The following PAPPA2 variants were observed in gnomAD, a reference collection of about 807,000 sequenced individuals.
PAPPA2 encodes the protein pappalysin 2.
In PAPPA2, 86 loss-of-function variants were observed where a neutral mutation model predicts 176.4. The observed-to-expected ratio is 0.49, with a 90% confidence interval of 0.41 to 0.58. The LOEUF is 0.58. Among genes scored for constraint, PAPPA2 ranks in the 20% least tolerant of loss-of-function variants. The pLI is 0.00. For synonymous variants in PAPPA2, 809 were observed against 852.2 expected (o/e 0.95, Z 0.88); for missense variants, 2,073 against 2,256.9 (o/e 0.92, Z 1.65).
rs561043572 is a variant in PAPPA2 at position 176,495,316 on chromosome 1, G to T, written c.-917+31898G>T. ...AGCACTTTGGGAGGCCGAGGCAGGC[G>T]AATCACCTAAGGTCAGGAGTTCGAG... On this transcript the variant is annotated intron_variant, in intron 1 of 22. Coordinates refer to ENST00000367662, the MANE Select transcript of PAPPA2 (RefSeq NM_020318.3). Among the ~76,000 whole-genome samples, 444 of 152,146 alleles carry T rather than the reference G, an allele frequency of 2.9e-3. 3 individuals are homozygous for T. Among genetic ancestry groups the T allele is most frequent in the Non-Finnish European group, 5.0e-3 (337 of 67,980 alleles).
chr1:176,807,338 C>G (rs1407954508), intron 21 of PAPPA2, among the ~76,000 whole-genome samples: 1 of 151,934 alleles, frequency 6.6e-6, no homozygotes, highest in African/African-American at 2.4e-5. Context: ...TTTAATAAGA[C>G]CAGTAAGACC....
At chr1:176,690,631 T>A (rs901413719) in intron 5 of PAPPA2, 179 of 1,378,674 alleles carry the variant, frequency 1.3e-4, no homozygotes, top group Non-Finnish European at 1.6e-4. Flanking sequence ...TTAAGGTACT[T>A]TGTTCACTGA....
chr1:176,658,794 A>G (rs1185952409), intron 3 of PAPPA2, among the ~76,000 whole-genome samples: 1 of 151,972 alleles, frequency 6.6e-6, no homozygotes, highest in Non-Finnish European at 1.5e-5. Flanking sequence ...TCTTCATTAC[A>G]TAGGTCATGG....
At chr1:176,485,496 G>A (rs1356035928) in intron 1 of PAPPA2, among the ~76,000 whole-genome samples, 1 of 152,014 alleles carries the variant, frequency 6.6e-6, no homozygotes, top group East Asian at 1.9e-4. Context: ...CACCTACTCA[G>A]GGAAGCATTT....
intron 21 of PAPPA2, among the ~76,000 whole-genome samples, chr1:176,821,285 G>A: frequency 6.6e-6 from 1 of 152,108 alleles, no homozygotes; most frequent in East Asian, 1.9e-4. Flanking sequence ...ATGAATAAGG[G>A]CATATGGGAG....
At chr1:176,723,078 A>C (rs929274918) in intron 12 of PAPPA2, among the ~76,000 whole-genome samples, 6 of 152,170 alleles carry the variant, frequency 3.9e-5, no homozygotes, top group African/African-American at 1.4e-4. Flanking sequence ...TGCTGCATCA[A>C]AACATGGTAC....
chr1:176,549,256 T>C (rs1650808702), intron 1 of PAPPA2, among the ~76,000 whole-genome samples: 1 of 152,248 alleles, frequency 6.6e-6, no homozygotes, highest in Non-Finnish European at 1.5e-5. Context: ...TCAGTGTTTT[T>C]AATAAAGTCA....
intron 14 of PAPPA2, among the ~76,000 whole-genome samples, chr1:176,741,656 G>T (rs757986471): frequency 3.9e-5 from 6 of 152,286 alleles, no homozygotes; most frequent in Admixed American, 3.3e-4. Flanking sequence ...AGTAGTTTAT[G>T]TTAACTGAGC....
At chr1:176,607,188 G>C (rs1654665170) in intron 3 of PAPPA2, among the ~76,000 whole-genome samples, 1 of 152,114 alleles carries the variant, frequency 6.6e-6, no homozygotes, top group South Asian at 2.1e-4. Flanking sequence ...ATCACTTTGA[G>C]TATTTATCAT....
At chr1:176,683,162 T>C (rs1659669522) in intron 4 of PAPPA2, among the ~76,000 whole-genome samples, 1 of 152,024 alleles carries the variant, frequency 6.6e-6, no homozygotes, top group Non-Finnish European at 1.5e-5. Flanking sequence ...TAGAATCACT[T>C]TGGAAGCTTG....
intron 4 of PAPPA2, among the ~76,000 whole-genome samples, chr1:176,673,335 A>G (rs1209464428): frequency 1.3e-5 from 2 of 152,184 alleles, no homozygotes; most frequent in Non-Finnish European, 2.9e-5. Flanking sequence ...TAGTCCATTT[A>G]ATAGTGAGTA....
At chr1:176,747,138 C>T (rs564515996) in intron 14 of PAPPA2, among the ~76,000 whole-genome samples, 1 of 152,266 alleles carries the variant, frequency 6.6e-6, no homozygotes, top group African/African-American at 2.4e-5. Context: ...TTCATGTCTA[C>T]TACTCTTCAA....
intron 21 of PAPPA2, among the ~76,000 whole-genome samples, chr1:176,823,125 G>T (rs1240770494): frequency 6.6e-6 from 1 of 152,146 alleles, no homozygotes; most frequent in African/African-American, 2.4e-5. Context: ...AATTTTTCCA[G>T]CCTCCTGAAA....
intron 1 of PAPPA2, among the ~76,000 whole-genome samples, 188 bp from the exon 2 acceptor site, chr1:176,555,219 T>C (rs1241061107): frequency 6.6e-6 from 1 of 152,106 alleles, no homozygotes; most frequent in African/African-American, 2.4e-5. Context: ...GGTGGAGTGA[T>C]GCATTGAACT....
intron 21 of PAPPA2, among the ~76,000 whole-genome samples, chr1:176,834,741 G>A (rs1336914257): frequency 1.3e-5 from 2 of 152,174 alleles, no homozygotes; most frequent in South Asian, 2.1e-4. Context: ...AGGCTGAGAC[G>A]GGTGGAACAC....
chr1:176,652,556 G>A (rs1337478041), intron 3 of PAPPA2, among the ~76,000 whole-genome samples: 1 of 151,668 alleles, frequency 6.6e-6, no homozygotes, highest in Admixed American at 6.6e-5. Flanking sequence ...CTACAGCATG[G>A]TCTTGCTAAA....
At chr1:176,567,965 C>G (rs1456562124) in intron 2 of PAPPA2, among the ~76,000 whole-genome samples, 1 of 152,164 alleles carries the variant, frequency 6.6e-6, no homozygotes, top group Non-Finnish European at 1.5e-5. Flanking sequence ...TCATGGATGA[C>G]TTTAGGGAGA....
chr1:176,673,803 G>C (rs1398609295), intron 4 of PAPPA2, among the ~76,000 whole-genome samples: 2 of 152,098 alleles, frequency 1.3e-5, no homozygotes, highest in Non-Finnish European at 2.9e-5. Flanking sequence ...ATTGAAGTGA[G>C]TCCTGTATAT....
intron 3 of PAPPA2, among the ~76,000 whole-genome samples, chr1:176,607,680 C>T (rs545326061): frequency 6.6e-6 from 1 of 152,192 alleles, no homozygotes; most frequent in Non-Finnish European, 1.5e-5. Flanking sequence ...TCCATTTGCC[C>T]TAATATCTCT....
Sources: gnomAD v4.1 joint callset for allele counts (sites outside exome capture counted in the v4.1 genomes callset) on GRCh38, gnomAD v4.1.1 for gene constraint, MANE v1.5 for transcripts, NCBI Gene and HGNC (gene_info 2026-07-23, HGNC 2026-07-21) for gene names.